The following NOS3 variants were observed in gnomAD, a reference collection of about 807,000 sequenced individuals.
NOS3 encodes NOS type III.
In NOS3, 98 loss-of-function variants were observed where a neutral mutation model predicts 144.9. That is an observed-to-expected ratio of 0.68 (90% CI 0.57 to 0.80). The LOEUF (loss-of-function observed/expected upper bound fraction) is 0.80. NOS3 is among the 30% of genes least tolerant of loss of function. NOS3 has a pLI of 0.00. For synonymous variants in NOS3, 714 were observed against 702.4 expected, an observed-to-expected ratio of 1.02 and a Z score of -0.26; for missense variants, 1,465 against 1,656.4, an observed-to-expected ratio of 0.88 and a Z score of 2.01.
chr7:151,000,511 G>A lies in NOS3; in HGVS notation c.1145G>A (p.Cys382Tyr). ...RYNILEDVAV[C>Y]MDLDTRTTSS... ...CTTCTGCCCCAGGATGTGGCTGTCT[G>A]CATGGACCTGGATACCCGGACCACC... is the stretch of plus-strand genomic sequence containing the variant. Residue 382 changes from cysteine to tyrosine, a missense_variant, in exon 10 of 27, where the codon TGC becomes TAC. Around this residue, in one of 5 missense-constraint regions of NOS3, gnomAD observed 745 missense variants for 853.9 expected, o/e 0.87. Transcript: ENST00000297494. 6.2e-7 allele frequency: 1 copy of A among 1,612,442 alleles called. No individual in the cohort carries two copies. The highest frequency in any genetic ancestry group is 2.2e-5 in the East Asian group (1 of 44,884).
chr7:151,008,222 A>AAGGG (rs1257178035), intron 17 of NOS3, among the ~76,000 whole-genome samples: 1 of 152,122 alleles, frequency 6.6e-6, no homozygotes, highest in Non-Finnish European at 1.5e-5. Flanking sequence ...GATAGGAAGG[A>AAGGG]AGGGAGGGAG....
At chr7:150,995,362 T>A (rs371126685) in intron 3 of NOS3, 48 bp downstream of exon 3, 81 of 1,346,410 alleles carry the variant, frequency 6.0e-5, no homozygotes, top group Non-Finnish European at 8.1e-5. Context: ...AAAGGGTGGG[T>A]AAGGCCTGGC....
In NOS3 at chr7:151,009,241, G is replaced by C; in HGVS notation, c.2298G>C (p.Val766=). ...RKMFQATIRS[V]ENLQSSKSTR... ...TGTTCCAGGCTACAATCCGCTCAGT[G>C]GAAAACCTGCAAAGCAGCAAGTCCA... Residue 766 remains valine, a synonymous_variant, in exon 19 of 27, where the codon GTG becomes GTC. Coordinates refer to ENST00000297494, the MANE Select transcript of NOS3 (RefSeq NM_000603.5). 6.2e-7 allele frequency: 1 copy of C among 1,613,770 alleles called. No homozygotes were observed. Among genetic ancestry groups the C allele is most frequent in the African/African-American group, 1.3e-5 (1 of 74,948 alleles).
In NOS3 at chr7:151,000,480, C is replaced by T. The variant is rs749787303; in HGVS notation, c.1132-18C>T. 4 of 1,543,084 alleles carry T rather than the reference C, an allele frequency of 2.6e-6. No individual in the cohort carries two copies. In the South Asian group the frequency reaches 4.5e-5, roughly 17 times the overall value. ...ATCACCTCTGTCCCTACCGATGCCA[C>T]ACACCCTTCTGCCCCAGGATGTGGC... On this transcript the variant is annotated intron_variant, in intron 9 of 26. Coordinates refer to ENST00000297494, the MANE Select transcript of NOS3 (RefSeq NM_000603.5).
intron 5 of NOS3, among the ~76,000 whole-genome samples, chr7:150,997,220 T>C (rs906696217): frequency 6.6e-6 from 1 of 150,662 alleles, no homozygotes; most frequent in Non-Finnish European, 1.5e-5. Flanking sequence ...GCTGCAGGGG[T>C]GAGGAAGTCT....
rs770455028 is a variant in NOS3 at position 151,014,156 on chromosome 7, C to T, written c.3599C>T (p.Thr1200Ile). 1.2e-5 allele frequency: 20 copies of T among 1,605,362 alleles called. No individual in the cohort carries two copies. In the East Asian group the frequency reaches 4.5e-4, roughly 36 times the overall value. ...PWAFDPPGSD[T>I]NSP Reference sequence around the variant, plus strand: ...GCGTTCGACCCTCCCGGCTCAGACACCAACAGCCCCTGAGAGCCGCCTGGC... The same window carrying T: ...GCGTTCGACCCTCCCGGCTCAGACATCAACAGCCCCTGAGAGCCGCCTGGC... Residue 1200 changes from threonine to isoleucine, a missense_variant, in exon 27 of 27, where the codon ACC becomes ATC. By Grantham distance (89) the Thr-to-Ile change is moderately conservative. Coordinates refer to ENST00000297494, the MANE Select transcript of NOS3 (RefSeq NM_000603.5).
chr7:150,995,240 C>CCCAA lies in NOS3; in HGVS notation c.197_200dup (p.Lys67AsnfsTer17). The CCCAA allele has an allele frequency of 6.2e-7, 1 of 1,611,352 alleles. No individual in the cohort carries two copies. The highest frequency in any genetic ancestry group is 8.5e-7 in the Non-Finnish European group (1 of 1,178,872). ...CCCGCTAACCCAGCCCCCAGAGGGGCCCAAGTTCCCTCGTGTGAAGAACTG... is the reference window on the plus strand; with the variant it reads ...CCCGCTAACCCAGCCCCCAGAGGGGCCCAACCAAGTTCCCTCGTGTGAAGAACTG... On this transcript the variant is annotated frameshift_variant, in exon 3 of 27. Coordinates refer to ENST00000297494, the MANE Select transcript of NOS3 (RefSeq NM_000603.5). LOFTEE classifies it high-confidence loss of function.
In NOS3 at chr7:150,999,202, T is replaced by C; in HGVS notation, c.969T>C (p.Phe323=). 6.2e-7 allele frequency: 1 copy of C among 1,609,394 alleles called. No individual in the cohort carries two copies. Among genetic ancestry groups the C allele is most frequent in the Non-Finnish European group, 8.5e-7 (1 of 1,178,580 alleles). ...VPLEHPTLEW[F]AALGLRWYAL... Reference sequence around the variant, plus strand: ...CCAACACCCCCAGGCTGGAGTGGTTTGCAGCCCTGGGCCTGCGCTGGTACG... The same window carrying C: ...CCAACACCCCCAGGCTGGAGTGGTTCGCAGCCCTGGGCCTGCGCTGGTACG... The change falls in exon 9 of 27, where the codon TTT becomes TTC. Residue 323 remains phenylalanine, a synonymous_variant. Coordinates refer to ENST00000297494, the MANE Select transcript of NOS3 (RefSeq NM_000603.5).
Position 150,998,647 on chromosome 7 carries a change from G to A in NOS3, c.783G>A (p.Val261=), listed in dbSNP as rs1159134807. ...YAGYRQQDGS[V]RGDPANVEIT... ...GCTACCGGCAGCAGGATGGCTCTGT[G>A]CGGGGGGACCCAGCCAACGTGGAGA... Residue 261 remains valine, a synonymous_variant, in exon 7 of 27, where the codon GTG becomes GTA. Coordinates refer to ENST00000297494, the MANE Select transcript of NOS3 (RefSeq NM_000603.5). This position sits in a 1 kb window ranked among gnomAD's most constrained non-coding sequence, Gnocchi z 5.0. The A allele has an allele frequency of 6.2e-7, 1 of 1,608,468 alleles. No individual in the cohort carries two copies. The highest frequency in any genetic ancestry group is 8.5e-7 in the Non-Finnish European group (1 of 1,178,764).
Position 150,993,997 on chromosome 7 carries a change from A to T in NOS3, c.158+36A>T. On this transcript the variant is annotated intron_variant, in intron 2 of 26. Transcript: ENST00000297494. This position sits in a 1 kb window ranked among gnomAD's most constrained non-coding sequence, Gnocchi z 4.0. ...GGCAGCTAGGAGCAGGTGGGCAACAAGGGTGGTGTCAAGGCCTGAAGCCTG... is the reference window on the plus strand; with the variant it reads ...GGCAGCTAGGAGCAGGTGGGCAACATGGGTGGTGTCAAGGCCTGAAGCCTG... The T allele has an allele frequency of 6.5e-7, 1 of 1,537,096 alleles. No homozygotes were observed. The highest frequency in any genetic ancestry group is 8.7e-7 in the Non-Finnish European group (1 of 1,146,690).
Position 151,009,226 on chromosome 7 carries a change from T to C in NOS3, c.2283T>C (p.Ala761=). Residue 761 remains alanine, a synonymous_variant, in exon 19 of 27, where the codon GCT becomes GCC. Transcript: ENST00000297494. Reference sequence around the variant, plus strand: ...TGCACAGGCGGAAGATGTTCCAGGCTACAATCCGCTCAGTGGAAAACCTGC... The same window carrying C: ...TGCACAGGCGGAAGATGTTCCAGGCCACAATCCGCTCAGTGGAAAACCTGC... The part of the protein sequence containing the change: ...IHVHRRKMFQ[A]TIRSVENLQS... 2 of 1,613,074 alleles carry C rather than the reference T, an allele frequency of 1.2e-6. No homozygotes were observed. Among genetic ancestry groups the C allele is most frequent in the Non-Finnish European group, 1.7e-6 (2 of 1,179,764 alleles).
chr7:151,008,802 T>C (rs1795244568), intron 17 of NOS3, 128 bp from the exon 18 acceptor site: 1 of 1,105,704 alleles, frequency 9.0e-7, no homozygotes. Context: ...GTGCTGTCCT[T>C]GGCGCCGGCC....
chr7:151,012,328 T>C, intron 23 of NOS3, 23 bp from the exon 24 acceptor site: 1 of 1,528,304 alleles, frequency 6.5e-7, no homozygotes, highest in Non-Finnish European at 8.8e-7. Flanking sequence ...AAAGGGGACC[T>C]GATGGAGTGT....
chr7:151,009,282 T>A lies in NOS3; in HGVS notation c.2324+15T>A, dbSNP rs751193242. ...AGCAAGTCCACGTGAGGACGACGGC[T>A]TTACCGCCCCCCCACCCCTGTCCTG... On this transcript the variant is annotated intron_variant, in intron 19 of 26. Coordinates refer to ENST00000297494, the MANE Select transcript of NOS3 (RefSeq NM_000603.5). The A allele has an allele frequency of 7.0e-5, 112 of 1,606,558 alleles. No homozygotes were observed. The highest frequency in any genetic ancestry group is 8.8e-5 in the Non-Finnish European group (104 of 1,175,470).
At position 151,003,742 on chromosome 7, in the gene NOS3, C is replaced by T. The variant is rs373698468; in HGVS notation, c.1752+1438C>T. 1.3e-4 allele frequency: 62 copies of T among 478,806 alleles called. No individual in the cohort carries two copies. Among genetic ancestry groups the T allele is most frequent in the Non-Finnish European group, 2.0e-4 (47 of 233,660 alleles). 29.7% of individuals were successfully genotyped at this position (478,806 alleles called of 1,614,324 possible). A position where few individuals can be genotyped will look rare whatever the true frequency, so the allele number is the denominator to read the frequency against. ...ACCTAGATGGAAGCACGCAGTGTTG[C>T]GGCGTCTCCTGCTGAGGCTGTTTTT... On this transcript the variant is annotated intron_variant, in intron 14 of 26. Transcript: ENST00000297494. The surrounding 1 kb of genome is among the most constrained non-coding windows in gnomAD (Gnocchi z 4.1).
chr7:151,000,582 G>A lies in NOS3; in HGVS notation c.1216G>A (p.Val406Met). ...GGCAGCAGTGGAAATCAACGTGGCC[G>A]TGCTGCACAGTTACCAGGTGCAGAG... ...DKAAVEINVA[V>M]LHSYQLAKVT... is the part of the protein sequence containing the mutation. The change falls in exon 10 of 27, where the codon GTG (valine) becomes ATG (methionine). Residue 406 changes from valine (V) to methionine (M), a missense_variant. Physicochemically the swap from Val to Met is conservative, Grantham distance 21 (BLOSUM62 1). Coordinates refer to ENST00000297494, the MANE Select transcript of NOS3 (RefSeq NM_000603.5). 1.9e-6 allele frequency: 3 copies of A among 1,612,140 alleles called. No homozygotes were observed. Among genetic ancestry groups the A allele is most frequent in the South Asian group, 1.1e-5 (1 of 91,060 alleles).
At chr7:150,991,942 G>T (rs1802262783) in intron 1 of NOS3, among the ~76,000 whole-genome samples, 1 of 151,486 alleles carries the variant, frequency 6.6e-6, no homozygotes, top group Admixed American at 6.6e-5. Flanking sequence ...GTTACAGTGA[G>T]CTGAGATAGC....
intron 25 of NOS3, 137 bp from the exon 26 acceptor site, chr7:151,013,587 G>GT: frequency 1.0e-6 from 1 of 991,198 alleles, no homozygotes; most frequent in Non-Finnish European, 1.4e-6. Context: ...CTCTGCCCCT[G>GT]TTGACACCGC....
At position 151,001,323 on chromosome 7, in the gene NOS3, T is replaced by C; in HGVS notation, c.1326T>C (p.Pro442=). The change falls in exon 11 of 27, where the codon CCT becomes CCC. Residue 442 remains proline, a synonymous_variant. Coordinates refer to ENST00000297494, the MANE Select transcript of NOS3 (RefSeq NM_000603.5). ...ENEQKARGGC[P]ADWAWIVPPI... is the part of the protein sequence containing the mutation. ...AGCAGAAGGCCAGGGGGGGCTGCCC[T>C]GCAGACTGGGCCTGGATCGTGCCCC... 1 of 1,613,730 alleles carries C rather than the reference T, an allele frequency of 6.2e-7. No individual in the cohort carries two copies. Among genetic ancestry groups the C allele is most frequent in the Non-Finnish European group, 8.5e-7 (1 of 1,179,912 alleles).
Sources: gnomAD v4.1 joint callset for allele counts (sites outside exome capture counted in the v4.1 genomes callset) on GRCh38, gnomAD v4.1.1 for gene constraint, gnomAD v4.1.1 regional missense constraint, Gnocchi (gnomAD v3.1) non-coding constraint, MANE v1.5 for transcripts, NCBI Gene and HGNC (gene_info 2026-07-23, HGNC 2026-07-21) for gene names.